MYCBP2: variants seen among roughly 807,000 people sequenced by gnomAD.
The protein encoded by MYCBP2 is MYC binding protein 2.
In MYCBP2, 120 loss-of-function variants were observed where a neutral mutation model predicts 525.3. The ratio of observed to expected loss-of-function variants is 0.23; its 90% CI spans 0.20 to 0.27. MYCBP2 has a LOEUF of 0.27. MYCBP2 is among the 10% of genes least tolerant of loss of function. The pLI is 1.00. For missense variants in MYCBP2, 4,149 were observed against 5,657.1 expected, an observed-to-expected ratio of 0.73 and a Z score of 8.55; for synonymous variants, 1,894 against 1,955.8, an observed-to-expected ratio of 0.97 and a Z score of 0.83.
intron 14 of MYCBP2, among the ~76,000 whole-genome samples, chr13:77,253,285 C>T (rs1203717267): frequency 6.6e-6 from 1 of 151,790 alleles, no homozygotes; most frequent in African/African-American, 2.4e-5. Flanking sequence ...ACCCAAAAGC[C>T]ATGAATAAAC....
intron 62 of MYCBP2, among the ~76,000 whole-genome samples, chr13:77,083,657 C>A (rs149313090): frequency 6.6e-6 from 1 of 152,060 alleles, no homozygotes; most frequent in African/African-American, 2.4e-5. Flanking sequence ...CTCCTTTCTA[C>A]GCAAATGGAC....
chr13:77,150,807 G>A lies in MYCBP2; in HGVS notation c.7058C>T (p.Ser2353Leu). The A allele has an allele frequency of 6.2e-7, 1 of 1,614,118 alleles. No homozygotes were observed. Among genetic ancestry groups the A allele is most frequent in the South Asian group, 1.1e-5 (1 of 91,080 alleles). ...TTCATATGAAACATCTAGCTTTGGT[G>A]ATGCCAGCCCTCCATAAGTCATGTC... ...NTDMTYGGLA[S>L]PKLDVSYEPM... The change falls in exon 47 of 83, where the codon TCA becomes TTA. Residue 2353 changes from serine to leucine, a missense_variant. By Grantham distance (145) the Ser-to-Leu change is moderately radical (BLOSUM62 -2). Around this residue, in one of 21 missense-constraint regions of MYCBP2, gnomAD observed 692 missense variants for 852.7 expected, o/e 0.81. Transcript: ENST00000544440.
rs972462762 is a variant in MYCBP2, at chr13:77,081,454, A to G, written c.11391T>C (p.Val3797=). 1 of 1,612,246 alleles carries G rather than the reference A, an allele frequency of 6.2e-7. No individual in the cohort carries two copies. The highest frequency in any genetic ancestry group is 1.3e-5 in the African/African-American group (1 of 74,880). ...VKGINARYVS[V]HVDNSRDLGN... ...CAAGATCTCGGGAATTGTCCACGTG[A>G]ACAGACACATAGCGGGCATTGATTC... The change falls in exon 65 of 83, where the codon GTT becomes GTC. Residue 3797 remains valine, a synonymous_variant. Transcript: ENST00000544440. The surrounding 1 kb of genome is among the most constrained non-coding windows in gnomAD (Gnocchi z 4.6).
At chr13:77,282,481 A>G (rs1174030968) in intron 3 of MYCBP2, among the ~76,000 whole-genome samples, 1 of 151,872 alleles carries the variant, frequency 6.6e-6, no homozygotes, top group East Asian at 1.9e-4. Flanking sequence ...AAATTTATCT[A>G]TGACTACTAC....
intron 55 of MYCBP2, among the ~76,000 whole-genome samples, chr13:77,113,450 A>G (rs1311354682): frequency 6.6e-6 from 1 of 152,010 alleles, no homozygotes; most frequent in African/African-American, 2.4e-5. Context: ...ACCATAACCT[A>G]GCACAGAGTA....
intron 1 of MYCBP2, among the ~76,000 whole-genome samples, chr13:77,304,736 C>A (rs543090387): frequency 2.0e-5 from 3 of 151,724 alleles, no homozygotes; most frequent in Non-Finnish European, 4.4e-5. Context: ...TGTATAAGTA[C>A]AATTATTTGT....
At chr13:77,291,394 G>C (rs2077452735) in intron 2 of MYCBP2, among the ~76,000 whole-genome samples, 1 of 152,196 alleles carries the variant, frequency 6.6e-6, no homozygotes. Flanking sequence ...AAGATATGAA[G>C]CAACTAGATT....
intron 1 of MYCBP2, among the ~76,000 whole-genome samples, chr13:77,306,756 GAAC>G (rs768817769): frequency 2.6e-5 from 4 of 152,032 alleles, no homozygotes; most frequent in East Asian, 1.9e-4. Flanking sequence ...AGGCCTCAGA[GAAC>G]AACAAGAGGA....
chr13:77,047,427 G>C (rs2035796655), intron 82 of MYCBP2, among the ~76,000 whole-genome samples: 1 of 152,146 alleles, frequency 6.6e-6, no homozygotes, highest in African/African-American at 2.4e-5. Flanking sequence ...GAAAGAAATG[G>C]ATAGAGGGAT....
Position 77,305,594 on chromosome 13 carries a change from T to C in MYCBP2, c.303-8920A>G, listed in dbSNP as rs565107554. Among the ~76,000 whole-genome samples the C allele has an allele frequency of 1.6e-4, 24 of 152,210 alleles. No individual in the cohort carries two copies. The East Asian group carries it at 4.4e-3, about 28-fold the overall frequency. Reference sequence around the variant, plus strand: ...TTATGGAGAGACAAAAATGTTTAGTTGTATGACTTTGTGAATATACTGGAA... The same window carrying C: ...TTATGGAGAGACAAAAATGTTTAGTCGTATGACTTTGTGAATATACTGGAA... On this transcript the variant is annotated intron_variant, in intron 1 of 82. Coordinates refer to ENST00000544440, the MANE Select transcript of MYCBP2 (RefSeq NM_015057.5).
intron 79 of MYCBP2, among the ~76,000 whole-genome samples, chr13:77,056,129 T>C (rs1029840090): frequency 6.6e-6 from 1 of 150,504 alleles, no homozygotes; most frequent in African/African-American, 2.4e-5. Flanking sequence ...TGTGTGTGTG[T>C]GTGTGTGTGT....
At chr13:77,217,645 C>T (rs1472700870) in intron 21 of MYCBP2, among the ~76,000 whole-genome samples, 195 bp downstream of exon 21, 2 of 151,800 alleles carry the variant, frequency 1.3e-5, no homozygotes, top group Non-Finnish European at 2.9e-5. Flanking sequence ...TAATGCTGAG[C>T]TAGAGAGGAA....
intron 10 of MYCBP2, among the ~76,000 whole-genome samples, chr13:77,263,044 C>T (rs935649750): frequency 1.3e-5 from 2 of 151,894 alleles, no homozygotes; most frequent in Admixed American, 6.6e-5. Flanking sequence ...AACTAAAACT[C>T]TCAGGAGAAC....
chr13:77,217,341 T>C (rs994233746), intron 21 of MYCBP2, among the ~76,000 whole-genome samples: 2 of 152,084 alleles, frequency 1.3e-5, no homozygotes, highest in Admixed American at 1.3e-4. Flanking sequence ...TAAGCTTTGG[T>C]GCAGAGAGAG....
chr13:77,325,571 A>G (rs911025263), intron 1 of MYCBP2, among the ~76,000 whole-genome samples: 10 of 152,216 alleles, frequency 6.6e-5, no homozygotes, highest in African/African-American at 2.4e-4. Flanking sequence ...CAACCCAAGT[A>G]AAAGAGACAA....
At chr13:77,313,495 C>T (rs187992937) in intron 1 of MYCBP2, among the ~76,000 whole-genome samples, 241 of 151,940 alleles carry the variant, frequency 1.6e-3, no homozygotes, top group African/African-American at 5.4e-3. Flanking sequence ...AAATGGAAAA[C>T]GGACTTTATA....
chr13:77,047,746 G>A (rs1218085993), intron 82 of MYCBP2, among the ~76,000 whole-genome samples: 1 of 152,162 alleles, frequency 6.6e-6, no homozygotes, highest in South Asian at 2.1e-4. Context: ...CCTTTGTATA[G>A]TCAGGGGGCT....
chr13:77,086,743 CTTAGA>C (rs1260218678), intron 62 of MYCBP2, among the ~76,000 whole-genome samples: 1 of 151,994 alleles, frequency 6.6e-6, no homozygotes, highest in Non-Finnish European at 1.5e-5. Flanking sequence ...ATCAATTATA[CTTAGA>C]TTAATTTTTA....
intron 34 of MYCBP2, among the ~76,000 whole-genome samples, 165 bp downstream of exon 34, chr13:77,179,962 G>A (rs1440605144): frequency 6.6e-6 from 1 of 152,134 alleles, no homozygotes; most frequent in Non-Finnish European, 1.5e-5. Flanking sequence ...TAACAAATCA[G>A]AGAAAGTAGG....
Sources: gnomAD v4.1 joint callset for allele counts (sites outside exome capture counted in the v4.1 genomes callset) on GRCh38, gnomAD v4.1.1 for gene constraint, gnomAD v4.1.1 regional missense constraint, Gnocchi (gnomAD v3.1) non-coding constraint, MANE v1.5 for transcripts, NCBI Gene and HGNC (gene_info 2026-07-23, HGNC 2026-07-21) for gene names.